VAV1: variants seen among roughly 807,000 people sequenced by gnomAD.
The protein encoded by VAV1 is proto-oncogene vav.
VAV1 carries 33 observed loss-of-function variants against 128.1 expected under a neutral mutation model. The ratio of observed to expected loss-of-function variants is 0.26; its 90% confidence interval spans 0.20 to 0.34. The LOEUF (loss-of-function observed/expected upper bound fraction) is 0.34, where lower values mean the gene tolerates loss of function less well. Ranked by LOEUF, VAV1 falls within the 10% of genes least tolerant of loss-of-function variation. The pLI is 1.00. For synonymous variants in VAV1, 394 were observed against 409.8 expected (o/e 0.96, Z 0.47); for missense variants, 715 against 1,093.7 (o/e 0.65, Z 4.88).
At chr19:6,856,449 C>A (rs889695440) in intron 26 of VAV1, among the ~76,000 whole-genome samples, 1 of 150,480 alleles carries the variant, frequency 6.6e-6, no homozygotes, top group Non-Finnish European at 1.5e-5. Flanking sequence ...GGTCCAGGCA[C>A]GGTGGCTCAT....
At chr19:6,802,018 G>A (rs991561390) in intron 1 of VAV1, among the ~76,000 whole-genome samples, 1 of 89,482 alleles carries the variant, frequency 1.1e-5, no homozygotes, top group Non-Finnish European at 2.4e-5. Flanking sequence ...CCCCAGCAGG[G>A]AGGAACCGTC....
intron 23 of VAV1, 100 bp from the exon 24 acceptor site, chr19:6,850,570 T>C (rs1306886627): frequency 1.8e-6 from 2 of 1,103,818 alleles, no homozygotes; most frequent in Non-Finnish European, 2.7e-6. Flanking sequence ...CAGTAGTTAC[T>C]CCTCCCTGAA....
At chr19:6,814,701 T>C (rs902229034) in intron 1 of VAV1, among the ~76,000 whole-genome samples, 158 of 132,980 alleles carry the variant, frequency 1.2e-3, no homozygotes, top group African/African-American at 4.9e-3. Context: ...TCTTTCTTTC[T>C]TTCTTTCTTT....
chr19:6,849,205 GATCAT>G (rs1972603590), intron 23 of VAV1, among the ~76,000 whole-genome samples: 2 of 149,440 alleles, frequency 1.3e-5, no homozygotes, highest in Non-Finnish European at 1.5e-5. Context: ...CCCAGGGAGT[GATCAT>G]ATACTCGGTA....
intron 1 of VAV1, among the ~76,000 whole-genome samples, chr19:6,815,937 C>T (rs4807101): frequency 0.37 from 55,622 of 151,814 alleles, 11,210 homozygotes; most frequent in Non-Finnish European, 0.44. Context: ...ACCCGTAATA[C>T]CAACATTTAG....
At chr19:6,773,312 C>T (rs1970543760) in intron 1 of VAV1, among the ~76,000 whole-genome samples, 1 of 152,058 alleles carries the variant, frequency 6.6e-6, no homozygotes, top group African/African-American at 2.4e-5. Context: ...GGTTCATGCC[C>T]CCAGATGGGA....
chr19:6,841,138 C>A (rs568501268), intron 21 of VAV1, among the ~76,000 whole-genome samples: 57 of 152,090 alleles, frequency 3.7e-4, no homozygotes, highest in African/African-American at 1.4e-3. Context: ...TGGTCTCGAA[C>A]TCCTGGGCTC....
intron 1 of VAV1, among the ~76,000 whole-genome samples, chr19:6,779,524 G>A (rs1970717556): frequency 6.6e-6 from 1 of 150,750 alleles, no homozygotes; most frequent in Non-Finnish European, 1.5e-5. Flanking sequence ...TTTCAAGAAA[G>A]ACTTACATTT....
At chr19:6,849,632 T>G (rs566707687) in intron 23 of VAV1, among the ~76,000 whole-genome samples, 1 of 152,216 alleles carries the variant, frequency 6.6e-6, no homozygotes, top group East Asian at 1.9e-4. Context: ...CCCATCTTTA[T>G]GTCCATGTGT....
chr19:6,796,262 G>A (rs1320107686), intron 1 of VAV1, among the ~76,000 whole-genome samples: 1 of 152,198 alleles, frequency 6.6e-6, no homozygotes, highest in Non-Finnish European at 1.5e-5. Context: ...CGAGAGAGAG[G>A]TGGGAGAAAT....
At chr19:6,853,616 C>G (rs111958124) in intron 25 of VAV1, among the ~76,000 whole-genome samples, 1 of 151,256 alleles carries the variant, frequency 6.6e-6, no homozygotes, top group Non-Finnish European at 1.5e-5. Context: ...CTGTAATCCC[C>G]GTGATTCAGG....
chr19:6,846,213 AT>A (rs58247752), intron 22 of VAV1, among the ~76,000 whole-genome samples: 2 of 151,194 alleles, frequency 1.3e-5, no homozygotes, highest in East Asian at 1.9e-4. Context: ...TCTTTATTGT[AT>A]GTTACATTTA....
At chr19:6,813,949 A>T (rs1173509167) in intron 1 of VAV1, among the ~76,000 whole-genome samples, 1 of 152,084 alleles carries the variant, frequency 6.6e-6, no homozygotes. Context: ...AGTCCCAGCT[A>T]CTTGGGAGAC....
intron 24 of VAV1, among the ~76,000 whole-genome samples, chr19:6,851,169 T>TAGAG (rs905008722): frequency 6.1e-4 from 92 of 151,580 alleles, no homozygotes; most frequent in African/African-American, 2.2e-3. Context: ...TATAGATAGA[T>TAGAG]AGAGAGAGAG....
chr19:6,844,084 T>C (rs1418775553), intron 22 of VAV1, among the ~76,000 whole-genome samples: 3 of 115,332 alleles, frequency 2.6e-5, no homozygotes, highest in Admixed American at 1.8e-4. Context: ...TTTTTTTTTT[T>C]TTTTTTTTTT....
At chr19:6,813,754 TTAAAACTTG>T (rs1971561720) in intron 1 of VAV1, among the ~76,000 whole-genome samples, 3 of 152,248 alleles carry the variant, frequency 2.0e-5, no homozygotes, top group African/African-American at 7.2e-5. Context: ...ATTGAAGATT[TTAAAACTTG>T]AGTCTTGGGG....
At chr19:6,814,686 T>TC (rs1568299290) in intron 1 of VAV1, among the ~76,000 whole-genome samples, 7 of 118,036 alleles carry the variant, frequency 5.9e-5, no homozygotes, top group African/African-American at 2.8e-4. Context: ...CTTTCTTTCT[T>TC]TCTTTCTTTC....
At chr19:6,849,533 G>A (rs190180787) in intron 23 of VAV1, among the ~76,000 whole-genome samples, 16 of 151,478 alleles carry the variant, frequency 1.1e-4, no homozygotes, top group Admixed American at 7.2e-4. Flanking sequence ...GGCTGGTCTC[G>A]AACTCCTGAC....
chr19:6,850,565 G>C (rs1483261879), intron 23 of VAV1, 105 bp from the exon 24 acceptor site: 1 of 1,051,600 alleles, frequency 9.5e-7, no homozygotes, highest in Non-Finnish European at 1.4e-6. Context: ...GTTTCCAGTA[G>C]TTACTCCTCC....
Sources: gnomAD v4.1 joint callset for allele counts (sites outside exome capture counted in the v4.1 genomes callset) on GRCh38, gnomAD v4.1.1 for gene constraint, MANE v1.5 for transcripts, NCBI Gene and HGNC (gene_info 2026-07-23, HGNC 2026-07-21) for gene names.